ZC2HC1B: variants seen among roughly 807,000 people sequenced by gnomAD.
The protein encoded by ZC2HC1B is zinc finger C2HC-type containing 1B.
Under a neutral mutation model 31.0 loss-of-function variants are expected in ZC2HC1B, and 36 were observed. The ratio of observed to expected loss-of-function variants is 1.16; its 90% CI spans 0.89 to 1.54. The LOEUF (loss-of-function observed/expected upper bound fraction) is 1.54. ZC2HC1B is among the 40% of genes most tolerant of loss of function. The pLI, the probability that ZC2HC1B is intolerant of heterozygous loss-of-function variation, is 0.00. For missense variants in ZC2HC1B, 260 were observed against 268.6 expected (o/e 0.97, Z 0.22); for synonymous variants, 73 against 88.0 (o/e 0.83, Z 0.95).
In ZC2HC1B at chr6:143,895,402, A is replaced by ATC. The variant is rs1777654276; in HGVS notation, c.350-3149_350-3148insCT. Among the ~76,000 whole-genome samples, 1 of 152,090 alleles carries ATC rather than the reference A, an allele frequency of 6.6e-6. No homozygotes were observed. Among genetic ancestry groups the ATC allele is most frequent in the Non-Finnish European group, 1.5e-5 (1 of 68,024 alleles). On this transcript the variant is annotated intron_variant, in intron 4 of 7. Transcript: ENST00000237275. This position sits in a 1 kb window ranked among gnomAD's most constrained non-coding sequence, Gnocchi z 4.8. ...GATCTTGAACTCCTGACCTCAGGTA[A>ATC]TGCACATGCCTCGGCCTCCCAAAGT...
Position 143,886,039 on chromosome 6 carries a change from A to G in ZC2HC1B, c.98A>G (p.His33Arg). The change falls in exon 3 of 8, where the codon CAT becomes CGT. Residue 33 changes from histidine to arginine, a missense_variant. By Grantham distance (29) the His-to-Arg change is conservative. Transcript: ENST00000237275. The surrounding 1 kb of genome is among the most constrained non-coding windows in gnomAD (Gnocchi z 4.2). ...RRFAADVLERHGPICKKLFNR... is the reference protein window; with the variant it reads ...RRFAADVLERRGPICKKLFNR... ...CTACTCTTCGTTTTCTAGGAAAGGC[A>G]TGGACCAATATGTAAGAAACTCTTC... 1 of 1,531,714 alleles carries G rather than the reference A, an allele frequency of 6.5e-7. No homozygotes were observed. Among genetic ancestry groups the G allele is most frequent in the South Asian group, 1.2e-5 (1 of 80,082 alleles). The allele number at this position is 1,531,714 out of a possible 1,614,324, so 94.9% of individuals were successfully genotyped here.
In ZC2HC1B at chr6:143,865,188, T is replaced by C. The variant is rs1311105080; in HGVS notation, c.28+621T>C. On this transcript the variant is annotated intron_variant, in intron 1 of 7. Transcript: ENST00000237275. This position sits in a 1 kb window ranked among gnomAD's most constrained non-coding sequence, Gnocchi z 4.4. ...TGAATTTTCTGATATCTTGGTTCTCTAAAAATCTATAAATGATGATTGGGA... is the reference window on the plus strand; with the variant it reads ...TGAATTTTCTGATATCTTGGTTCTCCAAAAATCTATAAATGATGATTGGGA... Among the ~76,000 whole-genome samples the C allele has an allele frequency of 2.6e-5, 4 of 152,364 alleles. No homozygotes were observed. The highest frequency in any genetic ancestry group is 4.8e-5 in the African/African-American group (2 of 41,594).
At chr6:143,929,568 T>C (rs565288517) in intron 6 of ZC2HC1B, among the ~76,000 whole-genome samples, 1 of 152,312 alleles carries the variant, frequency 6.6e-6, no homozygotes, top group East Asian at 1.9e-4. Flanking sequence ...CTACTGATGT[T>C]GGTAGCAAAG....
In ZC2HC1B at chr6:143,886,748, A is replaced by G; in HGVS notation, c.276A>G (p.Ser92=). 1 of 1,549,920 alleles carries G rather than the reference A, an allele frequency of 6.5e-7. No individual in the cohort carries two copies. ...QHEDFINAIR[S]AKQCMLAIKE... is the part of the protein sequence containing the mutation. ...AAGACTTTATTAATGCAATCCGATC[A>G]GCAAAGCAGTGTATGCTAGCCATTA... is the stretch of plus-strand genomic sequence containing the variant. Residue 92 remains serine, a synonymous_variant, in exon 4 of 8, where the codon TCA becomes TCG. Coordinates refer to ENST00000237275, the MANE Select transcript of ZC2HC1B (RefSeq NM_001013623.3). The surrounding 1 kb of genome is among the most constrained non-coding windows in gnomAD (Gnocchi z 4.2).
At chr6:143,893,747 C>T (rs940622097) in intron 4 of ZC2HC1B, among the ~76,000 whole-genome samples, 1 of 151,918 alleles carries the variant, frequency 6.6e-6, no homozygotes, top group African/African-American at 2.4e-5. Flanking sequence ...AGTGCAGTGG[C>T]ACCATCTCGG....
intron 6 of ZC2HC1B, among the ~76,000 whole-genome samples, chr6:143,925,165 C>CG (rs1778019828): frequency 9.6e-6 from 1 of 104,190 alleles, no homozygotes; most frequent in Non-Finnish European, 1.9e-5. Flanking sequence ...AATCTCATTC[C>CG]TTTTTTTTTT....
chr6:143,907,183 G>A (rs924787432), intron 6 of ZC2HC1B, among the ~76,000 whole-genome samples: 2 of 152,168 alleles, frequency 1.3e-5, no homozygotes, highest in Non-Finnish European at 2.9e-5. Context: ...GTCTATCACT[G>A]ATGGACATTT....
intron 4 of ZC2HC1B, among the ~76,000 whole-genome samples, chr6:143,889,334 T>A (rs1777569578): frequency 6.6e-6 from 1 of 152,014 alleles, no homozygotes; most frequent in Admixed American, 6.5e-5. Context: ...AACAAGATGG[T>A]AGACTTAAAC....
chr6:143,920,726 G>A (rs1333355161), intron 6 of ZC2HC1B, among the ~76,000 whole-genome samples: 1 of 152,020 alleles, frequency 6.6e-6, no homozygotes, highest in Non-Finnish European at 1.5e-5. Flanking sequence ...TGGCCAACAT[G>A]GTGAAACCCC....
At chr6:143,931,559 A>G (rs1778118953) in intron 6 of ZC2HC1B, among the ~76,000 whole-genome samples, 1 of 152,162 alleles carries the variant, frequency 6.6e-6, no homozygotes, top group Non-Finnish European at 1.5e-5. Context: ...TTGTCTGAAA[A>G]AGACTTTATC....
intron 1 of ZC2HC1B, among the ~76,000 whole-genome samples, chr6:143,874,639 C>T (rs765334483): frequency 7.9e-5 from 12 of 151,942 alleles, no homozygotes; most frequent in Non-Finnish European, 1.5e-4. Context: ...AAGTGGAAAC[C>T]CCTGAAAAAC....
chr6:143,906,529 C>T (rs999225211), intron 6 of ZC2HC1B, among the ~76,000 whole-genome samples: 16 of 152,142 alleles, frequency 1.1e-4, no homozygotes, highest in African/African-American at 3.9e-4. Context: ...CTGCAACCTC[C>T]ACCTCCTGGC....
At position 143,925,603 on chromosome 6, in the gene ZC2HC1B, C is replaced by A. The variant is rs188754246; in HGVS notation, c.599-12046C>A. On this transcript the variant is annotated intron_variant, in intron 6 of 7. Coordinates refer to ENST00000237275, the MANE Select transcript of ZC2HC1B (RefSeq NM_001013623.3). ...CCAGGCTGAAGTGTAGTGGCGCGAT[C>A]TCGTCTCGCCGCAACCTCCGCCTCC... 1.3e-4 allele frequency among the ~76,000 whole-genome samples: 19 copies of A among 144,302 alleles called. No individual in the cohort carries two copies. The East Asian group carries it at 3.7e-3, about 28-fold the overall frequency. The allele number at this position is 144,302 out of a possible 152,430, so 94.7% of individuals were successfully genotyped here. A position where few individuals can be genotyped will look rare whatever the true frequency, so the allele number is the denominator to read the frequency against.
At chr6:143,931,832 C>T (rs1000727514) in intron 6 of ZC2HC1B, among the ~76,000 whole-genome samples, 3 of 146,932 alleles carry the variant, frequency 2.0e-5, no homozygotes, top group South Asian at 4.4e-4. Context: ...TGATGAATTT[C>T]CAAGGTGTTC....
Position 143,911,407 on chromosome 6 carries a change from G to T in ZC2HC1B, c.598+8255G>T, listed in dbSNP as rs941436567. On this transcript the variant is annotated intron_variant, in intron 6 of 7. Coordinates refer to ENST00000237275, the MANE Select transcript of ZC2HC1B (RefSeq NM_001013623.3). The surrounding 1 kb of genome is among the most constrained non-coding windows in gnomAD (Gnocchi z 4.5). ...GTGTATTTCAGTGTGTTTTTGTAATGGCTTTTCCTTTCCATACTTAGTGCT... is the reference window on the plus strand; with the variant it reads ...GTGTATTTCAGTGTGTTTTTGTAATTGCTTTTCCTTTCCATACTTAGTGCT... 6.6e-6 allele frequency among the ~76,000 whole-genome samples: 1 copy of T among 152,118 alleles called. No individual in the cohort carries two copies. Among genetic ancestry groups the T allele is most frequent in the African/African-American group, 2.4e-5 (1 of 41,434 alleles).
rs1777509012 is a variant in ZC2HC1B at position 143,884,670 on chromosome 6, A to G, written c.90+305A>G. Among the ~76,000 whole-genome samples the G allele has an allele frequency of 6.6e-6, 1 of 152,210 alleles. No individual in the cohort carries two copies. The highest frequency in any genetic ancestry group is 2.4e-5 in the African/African-American group (1 of 41,450). On this transcript the variant is annotated intron_variant, in intron 2 of 7. Coordinates refer to ENST00000237275, the MANE Select transcript of ZC2HC1B (RefSeq NM_001013623.3). The surrounding 1 kb of genome is among the most constrained non-coding windows in gnomAD (Gnocchi z 5.1). The stretch of plus-strand genomic sequence containing the variant: ...CCTTTTCTTTAAGCATCGAAAATTC[A>G]AATTTCAAGGCCAAAGCACCAGGGA...
intron 1 of ZC2HC1B, among the ~76,000 whole-genome samples, chr6:143,881,000 C>T (rs1777459881): frequency 6.6e-6 from 1 of 152,156 alleles, no homozygotes; most frequent in African/African-American, 2.4e-5. Flanking sequence ...ACACGCAGAA[C>T]CACCTCACAG....
rs1247248859 is a variant in ZC2HC1B at position 143,925,273 on chromosome 6, T to C, written c.599-12376T>C. On this transcript the variant is annotated intron_variant, in intron 6 of 7. Transcript: ENST00000237275. ...TCACTGCAAGCTCCGCCTCCCGGGT[T>C]CACGCCATTCTCCTGCGTCAGCCTC... 2.0e-5 allele frequency among the ~76,000 whole-genome samples: 3 copies of C among 148,692 alleles called. No homozygotes were observed. In the Admixed American group the frequency reaches 2.0e-4, roughly 10 times the overall value.
At chr6:143,937,609 C>G (rs755431053) in intron 6 of ZC2HC1B, 40 bp from the exon 7 acceptor site, 3 of 1,468,088 alleles carry the variant, frequency 2.0e-6, no homozygotes, top group South Asian at 2.7e-5. Context: ...TGGTAATGTT[C>G]TGCTTTGACA....
Sources: gnomAD v4.1 joint callset for allele counts (sites outside exome capture counted in the v4.1 genomes callset) on GRCh38, gnomAD v4.1.1 for gene constraint, Gnocchi (gnomAD v3.1) non-coding constraint, MANE v1.5 for transcripts, NCBI Gene and HGNC (gene_info 2026-07-23, HGNC 2026-07-21) for gene names.